NINL: variants seen among roughly 807,000 people sequenced by gnomAD.
NINL encodes ninein-like protein.
A neutral mutation model predicts 160.3 loss-of-function variants in NINL; 153 were observed. The observed-to-expected ratio is 0.95, with a 90% CI of 0.84 to 1.09. The LOEUF (loss-of-function observed/expected upper bound fraction) is 1.09. Among genes scored for constraint, NINL ranks in the 50% least tolerant of loss-of-function variants. The probability of loss-of-function intolerance (pLI) is 0.00; values close to 1 mark genes in which losing one functional copy is unlikely to be tolerated. For missense variants in NINL, 1,829 were observed against 1,764.0 expected (o/e 1.04, Z -0.66); for synonymous variants, 800 against 734.8 (o/e 1.09, Z -1.43).
chr20:25,580,332 T>TA (rs879800986), intron 1 of NINL, among the ~76,000 whole-genome samples: 2 of 138,450 alleles, frequency 1.4e-5, no homozygotes, highest in African/African-American at 5.4e-5. Flanking sequence ...AGACTCCACC[T>TA]AAAAAAAAAA....
intron 1 of NINL, among the ~76,000 whole-genome samples, chr20:25,533,664 A>G (rs979970493): frequency 6.6e-6 from 1 of 152,210 alleles, no homozygotes; most frequent in Non-Finnish European, 1.5e-5. Flanking sequence ...GGGTGTCAAG[A>G]CCACAAAACG....
chr20:25,490,795 C>T (rs572325420), intron 11 of NINL, among the ~76,000 whole-genome samples: 398 of 152,004 alleles, frequency 2.6e-3, no homozygotes, highest in Non-Finnish European at 2.4e-3. Flanking sequence ...CCTCTCCTCC[C>T]GGGAGGTGGG....
At chr20:25,489,002 A>G (rs1196676449) in intron 13 of NINL, 8 of 520,170 alleles carry the variant, frequency 1.5e-5, no homozygotes, top group South Asian at 2.6e-5. Context: ...AAAGCTAAAC[A>G]TGAACAACAG....
At chr20:25,454,324 C>T (rs1187951045) in intron 23 of NINL, among the ~76,000 whole-genome samples, 2 of 152,146 alleles carry the variant, frequency 1.3e-5, no homozygotes, top group South Asian at 2.1e-4. Flanking sequence ...AGGGAGCAGG[C>T]GCAGGACAGG....
chr20:25,584,653 G>A (rs1037153383), intron 1 of NINL, among the ~76,000 whole-genome samples: 1 of 152,172 alleles, frequency 6.6e-6, no homozygotes, highest in African/African-American at 2.4e-5. Flanking sequence ...AGCTTCATGG[G>A]TCTCTTCCTG....
At chr20:25,512,732 CCCT>C in intron 4 of NINL, 99 bp downstream of exon 4, 1 of 1,413,062 alleles carries the variant, frequency 7.1e-7, no homozygotes, top group Non-Finnish European at 9.5e-7. Flanking sequence ...ACGGTGGCTG[CCCT>C]CCCCATATCT....
At chr20:25,481,654 A>T (rs540599808) in intron 14 of NINL, among the ~76,000 whole-genome samples, 1 of 152,246 alleles carries the variant, frequency 6.6e-6, no homozygotes, top group Admixed American at 6.5e-5. Flanking sequence ...ATTCTCCGGG[A>T]TTTAGCTCTT....
At position 25,478,974 on chromosome 20, in the gene NINL, TG is replaced by T; in HGVS notation, c.2149del (p.Gln717ArgfsTer25). On this transcript the variant is annotated frameshift_variant, in exon 16 of 24. Coordinates refer to ENST00000278886, the MANE Select transcript of NINL (RefSeq NM_025176.6). LOFTEE classifies it high-confidence loss of function. ...CCGCAGGGCCAGGCCACACAGTGCC[TG>T]GGTGCAGCAGGGTGCCAGGCCCATC... ...EQMGLAPCCT[Q>X]ALCGLALRHH... The T allele has an allele frequency of 3.8e-6, 6 of 1,597,336 alleles. No homozygotes were observed. The highest frequency in any genetic ancestry group is 5.1e-6 in the Non-Finnish European group (6 of 1,173,506).
intron 1 of NINL, among the ~76,000 whole-genome samples, chr20:25,583,901 A>G (rs2065199862): frequency 6.6e-6 from 1 of 152,114 alleles, no homozygotes; most frequent in Admixed American, 6.5e-5. Context: ...GCATGTTCTC[A>G]CTCATAAGTG....
At chr20:25,566,418 A>G (rs1364280974) in intron 1 of NINL, among the ~76,000 whole-genome samples, 1 of 152,118 alleles carries the variant, frequency 6.6e-6, no homozygotes, top group Non-Finnish European at 1.5e-5. Context: ...ATTAAAGTCA[A>G]GAAAAAAAAA....
At chr20:25,520,660 G>A (rs902694411) in intron 2 of NINL, among the ~76,000 whole-genome samples, 5 of 152,072 alleles carry the variant, frequency 3.3e-5, no homozygotes, top group African/African-American at 7.2e-5. Context: ...ATTTTTACTC[G>A]GTATGAAATT....
chr20:25,582,109 G>C (rs2065180893), intron 1 of NINL, among the ~76,000 whole-genome samples: 1 of 152,116 alleles, frequency 6.6e-6, no homozygotes, highest in African/African-American at 2.4e-5. Flanking sequence ...AAAAAAATTA[G>C]CTGGGCATGG....
chr20:25,489,186 C>T (rs1274602414), intron 13 of NINL, 58 bp downstream of exon 13: 16 of 1,500,698 alleles, frequency 1.1e-5, no homozygotes, highest in South Asian at 2.3e-5. Flanking sequence ...GGACCACCTG[C>T]GTGTGGAGAC....
chr20:25,560,847 A>G (rs2064925210), intron 1 of NINL, among the ~76,000 whole-genome samples: 1 of 152,120 alleles, frequency 6.6e-6, no homozygotes, highest in African/African-American at 2.4e-5. Flanking sequence ...AGATAGTAAA[A>G]ATATCTTTCA....
chr20:25,464,615 C>T (rs907253113), intron 19 of NINL, among the ~76,000 whole-genome samples: 10 of 152,158 alleles, frequency 6.6e-5, no homozygotes, highest in Non-Finnish European at 1.3e-4. Flanking sequence ...TTCCCTTCTC[C>T]ACAGCCGCCT....
At chr20:25,580,188 G>A (rs1178495264) in intron 1 of NINL, among the ~76,000 whole-genome samples, 1 of 152,066 alleles carries the variant, frequency 6.6e-6, no homozygotes, top group Non-Finnish European at 1.5e-5. Flanking sequence ...ACAAAAATTA[G>A]TTGGGCGTGG....
chr20:25,536,177 G>A (rs1210329418), intron 1 of NINL, among the ~76,000 whole-genome samples: 8 of 152,110 alleles, frequency 5.3e-5, no homozygotes, highest in South Asian at 4.1e-4. Flanking sequence ...TATAACCCAC[G>A]CTGAATACAC....
chr20:25,534,802 G>C (rs1188248214), intron 1 of NINL, among the ~76,000 whole-genome samples: 1 of 152,116 alleles, frequency 6.6e-6, no homozygotes, highest in East Asian at 1.9e-4. Flanking sequence ...AAATGATGTA[G>C]TATTTGCCTA....
intron 10 of NINL, 121 bp from the exon 11 acceptor site, chr20:25,491,646 G>A (rs540556284): frequency 6.3e-5 from 76 of 1,206,014 alleles, no homozygotes; most frequent in African/African-American, 3.4e-4. Flanking sequence ...GTGCAGGGCC[G>A]CCCTGCCTTG....
Sources: gnomAD v4.1 joint callset for allele counts (sites outside exome capture counted in the v4.1 genomes callset) on GRCh38, gnomAD v4.1.1 for gene constraint, MANE v1.5 for transcripts, NCBI Gene and HGNC (gene_info 2026-07-23, HGNC 2026-07-21) for gene names.